C1GALT1: variants seen among roughly 807,000 people sequenced by gnomAD.
The protein encoded by C1GALT1 is glycoprotein-N-acetylgalactosamine 3-beta-galactosyltransferase 1.
Under a neutral mutation model 31.0 loss-of-function variants are expected in C1GALT1, and 11 were observed. The ratio of observed to expected loss-of-function variants is 0.36; its 90% CI spans 0.22 to 0.59. The LOEUF is 0.59. C1GALT1 is among the 20% of genes least tolerant of loss of function. The pLI is 0.79. For synonymous variants in C1GALT1, 175 were observed against 143.6 expected, an observed-to-expected ratio of 1.22 and a Z score of -1.56; for missense variants, 424 against 425.2, an observed-to-expected ratio of 1.00 and a Z score of 0.03.
chr7:7,183,207 G>A (rs1780664062), intron 1 of C1GALT1, among the ~76,000 whole-genome samples: 1 of 151,830 alleles, frequency 6.6e-6, no homozygotes, highest in South Asian at 2.1e-4. Flanking sequence ...GCCCCGCCGG[G>A]CCCTCCCAGT....
intron 1 of C1GALT1, among the ~76,000 whole-genome samples, chr7:7,196,810 G>A (rs1781307824): frequency 6.6e-6 from 1 of 152,092 alleles, no homozygotes; most frequent in African/African-American, 2.4e-5. Flanking sequence ...TTCTCTGATG[G>A]CCAGTGATGA....
intron 1 of C1GALT1, among the ~76,000 whole-genome samples, chr7:7,201,612 G>T (rs1029217481): frequency 6.6e-6 from 1 of 152,186 alleles, no homozygotes; most frequent in Non-Finnish European, 1.5e-5. Flanking sequence ...GGGGAAAGCC[G>T]GCAGTAACAG....
At chr7:7,208,538 TAAAAAA>T (rs1016699330) in intron 1 of C1GALT1, among the ~76,000 whole-genome samples, 1 of 150,378 alleles carries the variant, frequency 6.6e-6, no homozygotes, top group African/African-American at 2.4e-5. Flanking sequence ...GTTTGGCTCC[TAAAAAA>T]AAAGGAAAAG....
At chr7:7,188,975 A>C (rs959288000) in intron 1 of C1GALT1, among the ~76,000 whole-genome samples, 7 of 152,144 alleles carry the variant, frequency 4.6e-5, no homozygotes, top group African/African-American at 1.4e-4. Context: ...ATGGTAAAGA[A>C]AATTTACTCT....
intron 1 of C1GALT1, among the ~76,000 whole-genome samples, chr7:7,200,723 C>A (rs4481494): frequency 0.031 from 4,682 of 152,198 alleles, 156 homozygotes; most frequent in African/African-American, 0.084. Context: ...CTAAACTTCT[C>A]TTCTCTCTTC....
intron 1 of C1GALT1, among the ~76,000 whole-genome samples, chr7:7,218,413 G>T (rs777818252): frequency 1.2e-4 from 19 of 152,140 alleles, no homozygotes; most frequent in Non-Finnish European, 2.5e-4. Flanking sequence ...AGTCTCTATG[G>T]GGTTGTTTGC....
chr7:7,220,439 A>G (rs1219944299), intron 1 of C1GALT1, among the ~76,000 whole-genome samples: 1 of 152,224 alleles, frequency 6.6e-6, no homozygotes, highest in Non-Finnish European at 1.5e-5. Context: ...ACATTTCTAC[A>G]TCAGTGTCCT....
intron 1 of C1GALT1, among the ~76,000 whole-genome samples, chr7:7,232,918 G>A (rs1783155604): frequency 6.6e-6 from 1 of 152,038 alleles, no homozygotes; most frequent in African/African-American, 2.4e-5. Context: ...ATCTGCAGAC[G>A]GGTTTAGTGA....
At chr7:7,160,457 A>G (rs1780322120) in intron 2 of C1GALT1, among the ~76,000 whole-genome samples, 1 of 152,174 alleles carries the variant, frequency 6.6e-6, no homozygotes, top group African/African-American at 2.4e-5. Flanking sequence ...CAGTTGATGT[A>G]GAACAGGCGG....
At chr7:7,234,189 C>A in intron 1 of C1GALT1, 114 bp from the exon 2 acceptor site, 1 of 747,510 alleles carries the variant, frequency 1.3e-6, no homozygotes, top group Non-Finnish European at 2.2e-6. Flanking sequence ...TAGATAATAG[C>A]TAAATACTGT....
At chr7:7,206,592 C>T (rs760964421) in intron 1 of C1GALT1, among the ~76,000 whole-genome samples, 2 of 151,496 alleles carry the variant, frequency 1.3e-5, no homozygotes, top group African/African-American at 4.9e-5. Context: ...AGGAGAATCG[C>T]TTGAAACCAG....
chr7:7,228,957 A>C (rs1315211467), intron 1 of C1GALT1, among the ~76,000 whole-genome samples: 2 of 150,334 alleles, frequency 1.3e-5, no homozygotes, highest in Non-Finnish European at 3.0e-5. Flanking sequence ...GCTTGTTCTG[A>C]AGCTCAGCAT....
At chr7:7,225,421 CT>C (rs1782715619) in intron 1 of C1GALT1, among the ~76,000 whole-genome samples, 1 of 152,262 alleles carries the variant, frequency 6.6e-6, no homozygotes, top group Middle Eastern at 3.4e-3. Context: ...AATTTTTGAG[CT>C]TTAAAACTTA....
intron 1 of C1GALT1, among the ~76,000 whole-genome samples, chr7:7,199,383 T>C (rs543879386): frequency 1.3e-5 from 2 of 151,872 alleles, no homozygotes; most frequent in South Asian, 2.1e-4. Flanking sequence ...TCTAGTTTGA[T>C]CGCACTGTGG....
chr7:7,209,470 T>C (rs1781894087), intron 1 of C1GALT1: 1 of 152,224 alleles, frequency 6.6e-6, no homozygotes, highest in East Asian at 1.9e-4. Flanking sequence ...GTTGATAACC[T>C]GCACCCTTGT....
intron 1 of C1GALT1, among the ~76,000 whole-genome samples, chr7:7,225,066 T>TAA (rs1782693264): frequency 6.6e-6 from 1 of 151,960 alleles, no homozygotes; most frequent in African/African-American, 2.4e-5. Context: ...AGGTTTTCTG[T>TAA]CCTGTGTTAG....
upstream of C1GALT1, among the ~76,000 whole-genome samples, chr7:7,177,738 A>G (rs772463088): frequency 6.6e-6 from 1 of 152,248 alleles, no homozygotes; most frequent in Non-Finnish European, 1.5e-5. Flanking sequence ...AAAGGTCTCC[A>G]TGGTATTCAT....
chr7:7,228,252 G>C (rs1782892894), intron 1 of C1GALT1, among the ~76,000 whole-genome samples: 1 of 152,104 alleles, frequency 6.6e-6, no homozygotes. Flanking sequence ...TTTTAACAAT[G>C]AATAGCATAA....
intron 1 of C1GALT1, among the ~76,000 whole-genome samples, chr7:7,224,190 C>CTT (rs1179964744): frequency 6.6e-6 from 1 of 151,588 alleles, no homozygotes; most frequent in African/African-American, 2.4e-5. Flanking sequence ...AGTATTAGTA[C>CTT]TTAACATGCT....
Sources: allele counts gnomAD v4.1 joint callset (sites outside exome capture counted in the v4.1 genomes callset), GRCh38; gene constraint gnomAD v4.1.1; transcripts MANE v1.5; gene names NCBI Gene and HGNC (gene_info 2026-07-23, HGNC 2026-07-21).